The following METTL2A variants were observed in gnomAD, a reference collection of about 807,000 sequenced individuals.
The protein encoded by METTL2A is tRNA N(3)-cytidine methyltransferase METTL2A.
METTL2A carries 45 observed loss-of-function variants against 49.4 expected under a neutral mutation model. The observed-to-expected ratio is 0.91, with a 90% CI of 0.72 to 1.17. The LOEUF is 1.17. Ranked by LOEUF, METTL2A falls within the 50% of genes most tolerant of loss-of-function variation. METTL2A has a pLI of 0.00. For missense variants in METTL2A, 361 were observed against 462.2 expected (o/e 0.78, Z 2.01); for synonymous variants, 118 against 167.5 (o/e 0.70, Z 2.28).
Position 62,448,653 on chromosome 17 carries a change from G to T in METTL2A, c.1061G>T (p.Arg354Leu), listed in dbSNP as rs751171160. 8 of 1,614,060 alleles carry T rather than the reference G, an allele frequency of 5.0e-6. No individual in the cohort carries two copies. The highest frequency in any genetic ancestry group is 6.8e-6 in the Non-Finnish European group (8 of 1,180,048). Reference sequence around the variant, plus strand: ...GTGGATCGCCGACTGCAGGTGAACCGAGGAAAGCAACTGACAATGTACCGG... The same window carrying T: ...GTGGATCGCCGACTGCAGGTGAACCTAGGAAAGCAACTGACAATGTACCGG... ...NLVDRRLQVN[R>L]GKQLTMYRVW... The change falls in exon 9 of 9, where the codon CGA becomes CTA. Residue 354 changes from arginine (R) to leucine (L), a missense_variant. Physicochemically the swap from Arg to Leu is moderately radical, Grantham distance 102. Around this residue, in one of 3 missense-constraint regions of METTL2A, gnomAD observed 183 missense variants for 216.5 expected, o/e 0.85. Transcript: ENST00000311506.
chr17:62,451,242 G>A lies in METTL2A; in HGVS notation c.*2513G>A, dbSNP rs531045055. Among the ~76,000 whole-genome samples, 148 of 150,038 alleles carry A rather than the reference G, an allele frequency of 9.9e-4. No individual in the cohort carries two copies. The highest frequency in any genetic ancestry group is 3.0e-3 in the Admixed American group (45 of 14,958). ...GCTCACCGCAACCTCTGCCTCCCAAGTTTAAATGATTCTCCTGCCTCAGCC... is the reference window on the plus strand; with the variant it reads ...GCTCACCGCAACCTCTGCCTCCCAAATTTAAATGATTCTCCTGCCTCAGCC... On this transcript the variant is annotated 3_prime_UTR_variant, in exon 9 of 9. Transcript: ENST00000311506.
rs1291886841 is a variant in METTL2A at position 62,425,535 on chromosome 17, C to T, written c.203-764C>T. On this transcript the variant is annotated intron_variant, in intron 2 of 8. Coordinates refer to ENST00000311506, the MANE Select transcript of METTL2A (RefSeq NM_181725.4). ...CCTAGTAGCTGGGACTACAGGTGTGCACCACCACGCCTGGCTAATTTTTTG... is the reference window on the plus strand; with the variant it reads ...CCTAGTAGCTGGGACTACAGGTGTGTACCACCACGCCTGGCTAATTTTTTG... Among the ~76,000 whole-genome samples, 3 of 149,664 alleles carry T rather than the reference C, an allele frequency of 2.0e-5. No homozygotes were observed. The East Asian group carries it at 6.1e-4, about 30-fold the overall frequency.
At position 62,452,196 on chromosome 17, in the gene METTL2A, G is replaced by A. The variant is rs538535552; in HGVS notation, c.*3467G>A. On this transcript the variant is annotated 3_prime_UTR_variant, in exon 9 of 9. Transcript: ENST00000311506. Reference sequence around the variant, plus strand: ...AGGTAAGAGGCTATTGTGTAAACTCGAATTGGGTTTGTTGGTGTTTCTTCA... The same window carrying A: ...AGGTAAGAGGCTATTGTGTAAACTCAAATTGGGTTTGTTGGTGTTTCTTCA... Among the ~76,000 whole-genome samples, 1 of 152,292 alleles carries A rather than the reference G, an allele frequency of 6.6e-6. No homozygotes were observed. The highest frequency in any genetic ancestry group is 2.4e-5 in the African/African-American group (1 of 41,540).
chr17:62,441,506 G>T (rs1159599725), intron 6 of METTL2A, among the ~76,000 whole-genome samples: 5 of 152,000 alleles, frequency 3.3e-5, no homozygotes, highest in Non-Finnish European at 7.4e-5. Context: ...GAATGCAATG[G>T]CGTGATCTAG....
At chr17:62,429,055 G>C (rs1233710940) in intron 4 of METTL2A, among the ~76,000 whole-genome samples, 3 of 152,204 alleles carry the variant, frequency 2.0e-5, no homozygotes, top group Non-Finnish European at 2.9e-5. Context: ...CAAAGTGCTG[G>C]AATTACATGC....
intron 4 of METTL2A, among the ~76,000 whole-genome samples, chr17:62,431,813 C>T (rs1051948240): frequency 1.2e-4 from 18 of 152,078 alleles, no homozygotes; most frequent in Non-Finnish European, 2.4e-4. Context: ...CTCTGCCTCC[C>T]AGTTTCAAGC....
In METTL2A at chr17:62,435,293, G is replaced by T. The variant is rs772055985; in HGVS notation, c.669+1G>T. 9 of 1,613,836 alleles carry T rather than the reference G, an allele frequency of 5.6e-6. No individual in the cohort carries two copies. Among genetic ancestry groups the T allele is most frequent in the Admixed American group, 1.7e-5 (1 of 59,988 alleles). ...TTCCACAGCTATAGAACTGGTCCAG[G>T]TGAGTACAATGGGAAATTACCTATT... is the stretch of plus-strand genomic sequence containing the variant. On this transcript the variant is annotated splice_donor_variant, in intron 5 of 8. Coordinates refer to ENST00000311506, the MANE Select transcript of METTL2A (RefSeq NM_181725.4). LOFTEE classifies it high-confidence loss of function.
intron 6 of METTL2A, among the ~76,000 whole-genome samples, chr17:62,442,281 C>CT (rs929691812): frequency 1.1e-4 from 17 of 148,356 alleles, no homozygotes; most frequent in Admixed American, 1.3e-4. Context: ...ACTACCTTCT[C>CT]TTTTTTTTTT....
At chr17:62,439,801 G>GT (rs1567736388) in intron 5 of METTL2A, among the ~76,000 whole-genome samples, 1 of 151,866 alleles carries the variant, frequency 6.6e-6, no homozygotes, top group African/African-American at 2.4e-5. Context: ...TTTCATGATC[G>GT]TTTTCCAATT....
At chr17:62,446,697 A>G (rs1451736975) in intron 7 of METTL2A, among the ~76,000 whole-genome samples, 5 of 152,218 alleles carry the variant, frequency 3.3e-5, no homozygotes, top group Admixed American at 3.3e-4. Context: ...TAATACATGC[A>G]GGAGCAAAAC....
In METTL2A at chr17:62,448,814, T is replaced by C. The variant is rs1447955605; in HGVS notation, c.*85T>C. On this transcript the variant is annotated 3_prime_UTR_variant, in exon 9 of 9. Transcript: ENST00000311506. ...AAATTGTAGCACTGGGCGTGGTGCATGCCTGTAATCCCAGCCACTCAGGAG... is the reference window on the plus strand; with the variant it reads ...AAATTGTAGCACTGGGCGTGGTGCACGCCTGTAATCCCAGCCACTCAGGAG... 2 of 1,568,324 alleles carry C rather than the reference T, an allele frequency of 1.3e-6. No individual in the cohort carries two copies. The highest frequency in any genetic ancestry group is 2.7e-5 in the African/African-American group (2 of 73,784).
chr17:62,444,610 G>A (rs1159379779), intron 6 of METTL2A, among the ~76,000 whole-genome samples: 1 of 152,144 alleles, frequency 6.6e-6, no homozygotes, highest in Non-Finnish European at 1.5e-5. Context: ...CGGCAGAAGC[G>A]GGCTGTCCTC....
rs549570135 is a variant in METTL2A at position 62,435,347 on chromosome 17, G to A, written c.669+55G>A. On this transcript the variant is annotated intron_variant, in intron 5 of 8. Coordinates refer to ENST00000311506, the MANE Select transcript of METTL2A (RefSeq NM_181725.4). The stretch of plus-strand genomic sequence containing the variant: ...AATTTCCACTGATTAAAGGGAAAAG[G>A]TTCTCCTAAAAATCAAGGTCTCTGG... 49 of 1,610,364 alleles carry A rather than the reference G, an allele frequency of 3.0e-5. No homozygotes were observed. In the South Asian group the frequency reaches 4.2e-4, roughly 14 times the overall value.
intron 4 of METTL2A, among the ~76,000 whole-genome samples, chr17:62,428,944 C>T (rs1360546414): frequency 6.6e-6 from 1 of 152,152 alleles, no homozygotes; most frequent in African/African-American, 2.4e-5. Context: ...CCACCATACC[C>T]AGCTAATTTT....
At chr17:62,433,697 G>A (rs556092213) in intron 4 of METTL2A, among the ~76,000 whole-genome samples, 14 of 149,830 alleles carry the variant, frequency 9.3e-5, no homozygotes, top group East Asian at 2.0e-4. Context: ...CTGAGATTGC[G>A]CCACTGTACT....
Position 62,447,881 on chromosome 17 carries a change from T to C in METTL2A, c.982+115T>C, listed in dbSNP as rs1266858831. The C allele has an allele frequency of 5.1e-6, 8 of 1,556,884 alleles. No individual in the cohort carries two copies. The African/African-American group carries it at 1.1e-4, about 21-fold the overall frequency. On this transcript the variant is annotated intron_variant, in intron 8 of 8. Coordinates refer to ENST00000311506, the MANE Select transcript of METTL2A (RefSeq NM_181725.4). ...CCTCCTGCCTTTTAGGCAGGCTGTT[T>C]CCTGCGGTTCCCTGCTGCTCACACC...
chr17:62,439,135 C>A (rs2070721056), intron 5 of METTL2A, among the ~76,000 whole-genome samples: 2 of 151,498 alleles, frequency 1.3e-5, no homozygotes, highest in Admixed American at 6.6e-5. Context: ...GGTGCCACTG[C>A]ACCCAGCTAA....
At position 62,424,435 on chromosome 17, in the gene METTL2A, G is replaced by T. The variant is rs193217289; in HGVS notation, c.202+125G>T. 2.2e-3 allele frequency: 2,998 copies of T among 1,389,922 alleles called. 17 individuals are homozygous for T. Among genetic ancestry groups the T allele is most frequent in the Non-Finnish European group, 1.6e-3 (1,577 of 1,008,922 alleles). 86.1% of individuals were successfully genotyped at this position (1,389,922 alleles called of 1,614,324 possible). A position where few individuals can be genotyped will look rare whatever the true frequency, so the allele number is the denominator to read the frequency against. Reference sequence around the variant, plus strand: ...TCCTGGCCTGATGCAGATCTCAGGAGTAGAGCGGGACAGGGAGGGGATGAG... The same window carrying T: ...TCCTGGCCTGATGCAGATCTCAGGATTAGAGCGGGACAGGGAGGGGATGAG... On this transcript the variant is annotated intron_variant, in intron 2 of 8. Transcript: ENST00000311506.
chr17:62,446,018 A>C (rs970958100), intron 7 of METTL2A, among the ~76,000 whole-genome samples: 4 of 152,234 alleles, frequency 2.6e-5, no homozygotes, highest in Non-Finnish European at 5.9e-5. Context: ...GTATTTAGTC[A>C]GTTCACAGAA....
Sources: allele counts gnomAD v4.1 joint callset (sites outside exome capture counted in the v4.1 genomes callset), GRCh38; gene constraint gnomAD v4.1.1; regional missense constraint gnomAD v4.1.1; transcripts MANE v1.5; gene names NCBI Gene and HGNC (gene_info 2026-07-23, HGNC 2026-07-21).